RAPGEF2: variants seen among roughly 807,000 people sequenced by gnomAD.
The protein encoded by RAPGEF2 is Rap guanine nucleotide exchange factor 2.
In RAPGEF2, 54 loss-of-function variants were observed where a neutral mutation model predicts 186.7. That is an observed-to-expected ratio of 0.29 (90% CI 0.23 to 0.36). The LOEUF is 0.36. Ranked by LOEUF, RAPGEF2 falls within the 10% of genes least tolerant of loss-of-function variation. RAPGEF2 has a pLI of 1.00. For synonymous variants in RAPGEF2, 712 were observed against 705.9 expected (o/e 1.01, Z -0.14); for missense variants, 1,532 against 2,045.0 (o/e 0.75, Z 4.84).
intron 1 of RAPGEF2, among the ~76,000 whole-genome samples, chr4:159,108,465 A>G (rs1738141781): frequency 6.6e-6 from 1 of 151,716 alleles, no homozygotes; most frequent in Non-Finnish European, 1.5e-5. Context: ...TAAAAACAAA[A>G]CTAGTTATAA....
intron 4 of RAPGEF2, among the ~76,000 whole-genome samples, chr4:159,212,593 C>A: frequency 6.6e-6 from 1 of 152,022 alleles, no homozygotes; most frequent in East Asian, 1.9e-4. Flanking sequence ...AAAAATTCTT[C>A]AAAAAAGATT....
chr4:159,308,790 A>G (rs919187892), intron 8 of RAPGEF2, among the ~76,000 whole-genome samples: 1 of 152,162 alleles, frequency 6.6e-6, no homozygotes, highest in African/African-American at 2.4e-5. Flanking sequence ...ACAGGAACAC[A>G]TCCTGGGGAG....
intron 9 of RAPGEF2, among the ~76,000 whole-genome samples, chr4:159,320,366 T>C (rs1252236205): frequency 6.6e-6 from 1 of 152,314 alleles, no homozygotes; most frequent in Non-Finnish European, 1.5e-5. Context: ...ATACATTTTA[T>C]GGTACAGCAC....
At chr4:159,117,695 G>C (rs1436967821) in intron 1 of RAPGEF2, among the ~76,000 whole-genome samples, 2 of 151,112 alleles carry the variant, frequency 1.3e-5, no homozygotes, top group African/African-American at 4.9e-5. Context: ...TTTTAATCTT[G>C]GTCTCTGTTG....
At position 159,311,423 on chromosome 4, in the gene RAPGEF2, A is replaced by G. The variant is rs540399568; in HGVS notation, c.676-3168A>G. Among the ~76,000 whole-genome samples, 16 of 152,266 alleles carry G rather than the reference A, an allele frequency of 1.1e-4. No homozygotes were observed. The South Asian group carries it at 3.1e-3, about 30-fold the overall frequency. On this transcript the variant is annotated intron_variant, in intron 8 of 29. Coordinates refer to ENST00000691494, the MANE Select transcript of RAPGEF2 (RefSeq NM_001394067.2). ...ATTGCGTGCAGCGTTCATTGCTGCT[A>G]TGGGGAGAGGTAGAAGGTGTACAAG... is the stretch of plus-strand genomic sequence containing the variant.
chr4:159,233,711 T>G (rs188840088), intron 4 of RAPGEF2, among the ~76,000 whole-genome samples: 1 of 152,080 alleles, frequency 6.6e-6, no homozygotes, highest in Admixed American at 6.6e-5. Context: ...ATCTCACAAA[T>G]CACTAAAGAA....
chr4:159,353,344 A>G lies in RAPGEF2; in HGVS notation c.4092-143A>G. On this transcript the variant is annotated intron_variant, in intron 27 of 29. Coordinates refer to ENST00000691494, the MANE Select transcript of RAPGEF2 (RefSeq NM_001394067.2). This position sits in a 1 kb window ranked among gnomAD's most constrained non-coding sequence, Gnocchi z 4.3. ...AGACATGGCAGAACTGGCCAATATAAGGCAATTCAGTGCTACTTTTATCCT... is the reference window on the plus strand; with the variant it reads ...AGACATGGCAGAACTGGCCAATATAGGGCAATTCAGTGCTACTTTTATCCT... 1 of 592,118 alleles carries G rather than the reference A, an allele frequency of 1.7e-6. No individual in the cohort carries two copies. Among genetic ancestry groups the G allele is most frequent in the South Asian group, 4.2e-5 (1 of 24,008 alleles). The allele number at this position is 592,118 out of a possible 1,614,324, so 36.7% of individuals were successfully genotyped here. A position where few individuals can be genotyped will look rare whatever the true frequency, so the allele number is the denominator to read the frequency against.
intron 7 of RAPGEF2, among the ~76,000 whole-genome samples, chr4:159,251,631 C>G (rs1049216247): frequency 6.6e-6 from 1 of 150,512 alleles, no homozygotes; most frequent in African/African-American, 2.5e-5. Flanking sequence ...TAGCAAGTCT[C>G]GTGGGGACTT....
chr4:159,142,711 A>G (rs1228791087), intron 1 of RAPGEF2, among the ~76,000 whole-genome samples: 1 of 152,240 alleles, frequency 6.6e-6, no homozygotes, highest in Non-Finnish European at 1.5e-5. Context: ...ATAGAATGCA[A>G]TGGTTTTTTA....
intron 2 of RAPGEF2, among the ~76,000 whole-genome samples, chr4:159,190,718 C>T (rs1241324900): frequency 1.3e-5 from 2 of 152,142 alleles, no homozygotes; most frequent in Admixed American, 1.3e-4. Context: ...GAGTGCCCAG[C>T]GAAGGGGGAA....
At chr4:159,320,056 G>A (rs1018955582) in intron 9 of RAPGEF2, among the ~76,000 whole-genome samples, 1 of 152,028 alleles carries the variant, frequency 6.6e-6, no homozygotes, top group Non-Finnish European at 1.5e-5. Flanking sequence ...ATCTTTGCTT[G>A]TCCAAAGAAA....
chr4:159,145,191 T>C (rs1053401986), intron 1 of RAPGEF2, among the ~76,000 whole-genome samples: 12 of 152,072 alleles, frequency 7.9e-5, no homozygotes, highest in Non-Finnish European at 1.6e-4. Flanking sequence ...TGTTTTTTTT[T>C]CCCGCTTTAT....
intron 11 of RAPGEF2, chr4:159,329,549 A>G (rs1280120810): frequency 5.9e-6 from 1 of 168,694 alleles, no homozygotes; most frequent in African/African-American, 2.4e-5. Flanking sequence ...CCCCTACTGC[A>G]GTGTTTTTTA....
intron 4 of RAPGEF2, among the ~76,000 whole-genome samples, chr4:159,231,336 T>A (rs1482257663): frequency 6.6e-6 from 1 of 152,242 alleles, no homozygotes; most frequent in East Asian, 1.9e-4. Context: ...TCTTAAGCAA[T>A]GCATGACTGT....
intron 1 of RAPGEF2, among the ~76,000 whole-genome samples, chr4:159,144,402 C>A (rs1270450497): frequency 6.6e-6 from 1 of 152,126 alleles, no homozygotes; most frequent in Non-Finnish European, 1.5e-5. Flanking sequence ...CTGTGTAATT[C>A]TTCAGTTCCA....
intron 17 of RAPGEF2, among the ~76,000 whole-genome samples, 166 bp from the exon 18 acceptor site, chr4:159,338,145 T>A (rs1286841543): frequency 6.6e-6 from 1 of 152,132 alleles, no homozygotes; most frequent in Non-Finnish European, 1.5e-5. Context: ...TTGGATACAC[T>A]TAAGCAGTAG....
Position 159,322,480 on chromosome 4 carries a change from A to G in RAPGEF2, c.987A>G (p.Glu329=). The change falls in exon 10 of 30, where the codon GAA becomes GAG. Residue 329 remains glutamate, a synonymous_variant. Transcript: ENST00000691494. The part of the protein sequence containing the change: ...RAGTIVLNDG[E]ELDSWSVILN... ...GGACCATAGTGTTAAATGATGGTGAAGAGGTGAGTAACTATTCCTACCACT... is the reference window on the plus strand; with the variant it reads ...GGACCATAGTGTTAAATGATGGTGAGGAGGTGAGTAACTATTCCTACCACT... 6.2e-7 allele frequency: 1 copy of G among 1,613,324 alleles called. No homozygotes were observed. Among genetic ancestry groups the G allele is most frequent in the Non-Finnish European group, 8.5e-7 (1 of 1,179,430 alleles).
At chr4:159,348,519 C>T (rs1372927655) in intron 25 of RAPGEF2, among the ~76,000 whole-genome samples, 1 of 152,120 alleles carries the variant, frequency 6.6e-6, no homozygotes, top group East Asian at 1.9e-4. Context: ...GTACATTTCT[C>T]CTTTCAAATA....
At chr4:159,198,694 C>T (rs1029719080) in intron 3 of RAPGEF2, among the ~76,000 whole-genome samples, 5 of 151,930 alleles carry the variant, frequency 3.3e-5, no homozygotes, top group African/African-American at 1.2e-4. Context: ...GATCCACCCA[C>T]CTTGGCCTCC....
Sources: allele counts gnomAD v4.1 joint callset (sites outside exome capture counted in the v4.1 genomes callset), GRCh38; gene constraint gnomAD v4.1.1; non-coding constraint Gnocchi (gnomAD v3.1); transcripts MANE v1.5; gene names NCBI Gene and HGNC (gene_info 2026-07-23, HGNC 2026-07-21).